Variants in NUDT3 observed in about 807,000 individuals in gnomAD.
NUDT3 encodes the protein nudix hydrolase 3, also known as diphosphoinositol polyphosphate phosphohydrolase 1.
In NUDT3, 9 loss-of-function variants were observed where a neutral mutation model predicts 23.6. That is an observed-to-expected ratio of 0.38 (90% CI 0.23 to 0.66). NUDT3 has a LOEUF of 0.66. Ranked by LOEUF, NUDT3 falls within the 30% of genes least tolerant of loss-of-function variation. The probability of loss-of-function intolerance (pLI) is 0.52; values close to 1 mark genes in which losing one functional copy is unlikely to be tolerated. For missense variants in NUDT3, 172 were observed against 218.5 expected (o/e 0.79, Z 1.34); for synonymous variants, 86 against 82.6 (o/e 1.04, Z -0.22).
In NUDT3 at chr6:34,288,387, T is replaced by A. The variant is rs2113689122; in HGVS notation, c.*366A>T. On this transcript the variant is annotated 3_prime_UTR_variant, in exon 5 of 5. Transcript: ENST00000607016. ...GTATCTTTTAATAAAAAAAAAAAAT[T>A]AAAAATCAAAGAAAACGTCTGGCCA... 1 of 174,712 alleles carries A rather than the reference T, an allele frequency of 5.7e-6. No homozygotes were observed. The highest frequency in any genetic ancestry group is 1.2e-5 in the Non-Finnish European group (1 of 83,692). 10.8% of individuals were successfully genotyped at this position (174,712 alleles called of 1,614,324 possible).
At position 34,356,437 on chromosome 6, in the gene NUDT3, A is replaced by G. The variant is rs555389227; in HGVS notation, c.100-14465T>C. Among the ~76,000 whole-genome samples, 4 of 152,286 alleles carry G rather than the reference A, an allele frequency of 2.6e-5. No homozygotes were observed. In the South Asian group the frequency reaches 6.2e-4, roughly 24 times the overall value. ...ATGACCAACAGGAAATATACAATAT[A>G]AGTCTAAAACATCTTGTCAAATCAG... On this transcript the variant is annotated intron_variant, in intron 1 of 4. Transcript: ENST00000607016.
At chr6:34,313,812 A>G (rs1308605518) in intron 2 of NUDT3, among the ~76,000 whole-genome samples, 1 of 151,726 alleles carries the variant, frequency 6.6e-6, no homozygotes, top group Admixed American at 6.6e-5. Context: ...AATACAAAAA[A>G]TTAGGCCAAG....
intron 2 of NUDT3, among the ~76,000 whole-genome samples, chr6:34,295,886 A>G (rs1763492144): frequency 1.3e-5 from 2 of 152,160 alleles, no homozygotes; most frequent in South Asian, 4.1e-4. Context: ...TGCTCTGGGA[A>G]GTTAGAATGC....
At chr6:34,293,339 G>T in intron 4 of NUDT3, 112 bp downstream of exon 4, 1 of 1,258,570 alleles carries the variant, frequency 7.9e-7, no homozygotes, top group South Asian at 1.3e-5. Context: ...TGGGGTTATA[G>T]GTGTGAGCCA....
In NUDT3 at chr6:34,364,902, TC is replaced by T. The variant is rs555291852; in HGVS notation, c.100-22931del. Among the ~76,000 whole-genome samples the T allele has an allele frequency of 3.4e-3, 513 of 152,060 alleles. 3 individuals carry two copies. Among genetic ancestry groups the T allele is most frequent in the African/African-American group, 7.6e-3 (316 of 41,476 alleles). ...CGGGCGCGGTGGCGGGTGCCTGTAG[TC>T]CGAGCTACTCAGGAGGCTGAGGCAG... On this transcript the variant is annotated intron_variant, in intron 1 of 4. Coordinates refer to ENST00000607016, the MANE Select transcript of NUDT3 (RefSeq NM_006703.4).
chr6:34,303,407 A>G (rs1401455653), intron 2 of NUDT3, among the ~76,000 whole-genome samples: 7 of 151,884 alleles, frequency 4.6e-5, no homozygotes, highest in African/African-American at 1.7e-4. Flanking sequence ...TCTTCTGTAA[A>G]TAAGGACAAT....
intron 1 of NUDT3, among the ~76,000 whole-genome samples, chr6:34,363,677 C>CATTT (rs1764682539): frequency 6.6e-6 from 1 of 152,180 alleles, no homozygotes; most frequent in African/African-American, 2.4e-5. Context: ...CATTAAGGAG[C>CATTT]CAGCCTTCTG....
chr6:34,392,629 A>G lies in NUDT3; in HGVS notation c.-267T>C. The G allele has an allele frequency of 8.1e-6, 2 of 246,922 alleles. No homozygotes were observed. The highest frequency in any genetic ancestry group is 1.5e-5 in the Non-Finnish European group (2 of 129,628). The allele number at this position is 246,922 out of a possible 1,614,324, so 15.3% of individuals were successfully genotyped here. ...CCCTCTGCCGCCGCCACCCCCGACG[A>G]CGACCGCGCCGCCATCTTGGGCGCG... On this transcript the variant is annotated 5_prime_UTR_variant, in exon 1 of 5. Coordinates refer to ENST00000607016, the MANE Select transcript of NUDT3 (RefSeq NM_006703.4).
At chr6:34,299,914 AT>A (rs1305748264) in intron 2 of NUDT3, among the ~76,000 whole-genome samples, 1 of 131,506 alleles carries the variant, frequency 7.6e-6, no homozygotes, top group African/African-American at 2.8e-5. Context: ...AAAAAAAAAA[AT>A]ATTTTTTTTA....
At chr6:34,362,064 G>A (rs1376480120) in intron 1 of NUDT3, among the ~76,000 whole-genome samples, 1 of 152,202 alleles carries the variant, frequency 6.6e-6, no homozygotes, top group Non-Finnish European at 1.5e-5. Flanking sequence ...GATGCTGATA[G>A]TGAGGGAGAT....
chr6:34,389,925 C>T (rs1304852124), intron 1 of NUDT3, among the ~76,000 whole-genome samples: 1 of 150,762 alleles, frequency 6.6e-6, no homozygotes, highest in East Asian at 2.0e-4. Context: ...GATGGTGCCA[C>T]TGCACTCCAC....
intron 1 of NUDT3, among the ~76,000 whole-genome samples, chr6:34,391,424 T>C (rs557930642): frequency 4.6e-5 from 7 of 152,300 alleles, no homozygotes; most frequent in African/African-American, 7.2e-5. Flanking sequence ...ATTCCCTTCA[T>C]CACCACAGAA....
In NUDT3 at chr6:34,342,289, C is replaced by CAAA. The variant is rs200954440; in HGVS notation, c.100-320_100-318dup. Among the ~76,000 whole-genome samples, 393 of 66,086 alleles carry CAAA rather than the reference C, an allele frequency of 5.9e-3. 4 individuals are homozygous for CAAA. The highest frequency in any genetic ancestry group is 9.4e-3 in the Non-Finnish European group (237 of 25,218). 43.4% of individuals were successfully genotyped at this position (66,086 alleles called of 152,430 possible). A position where few individuals can be genotyped will look rare whatever the true frequency, so the allele number is the denominator to read the frequency against. The stretch of plus-strand genomic sequence containing the variant: ...ACCTGACAAGGTGAATAGAAGACTT[C>CAAA]AAAAAAAAAAAAAAAAAAAAAAAAA... On this transcript the variant is annotated intron_variant, in intron 1 of 4. Transcript: ENST00000607016.
chr6:34,388,251 T>C (rs1021562246), intron 1 of NUDT3, among the ~76,000 whole-genome samples: 1 of 152,218 alleles, frequency 6.6e-6, no homozygotes, highest in Non-Finnish European at 1.5e-5. Flanking sequence ...GATGCATTTC[T>C]CAGTACGTAT....
intron 1 of NUDT3, among the ~76,000 whole-genome samples, chr6:34,342,289 CAAAAAAAAAAAAA>C (rs200954440): frequency 3.9e-4 from 26 of 66,494 alleles, no homozygotes; most frequent in Non-Finnish European, 6.7e-4. Flanking sequence ...TAGAAGACTT[CAAAAAAAAAAAAA>C]AAAAAAAAAA....
At chr6:34,321,651 C>G (rs1330262746) in intron 2 of NUDT3, among the ~76,000 whole-genome samples, 2 of 151,926 alleles carry the variant, frequency 1.3e-5, no homozygotes. Flanking sequence ...GAAGATCGAC[C>G]ACCACTATCT....
At chr6:34,385,443 T>C (rs1765090121) in intron 1 of NUDT3, among the ~76,000 whole-genome samples, 2 of 152,302 alleles carry the variant, frequency 1.3e-5, no homozygotes, top group East Asian at 3.9e-4. Context: ...AAACATGTAG[T>C]TATTTGGTAA....
chr6:34,373,320 A>C (rs566552255), intron 1 of NUDT3, among the ~76,000 whole-genome samples: 1 of 96,698 alleles, frequency 1.0e-5, no homozygotes, highest in South Asian at 3.5e-4. Context: ...AATTAGGATA[A>C]ATTGCATATT....
chr6:34,355,850 T>TGAACA (rs1426232065), intron 1 of NUDT3, among the ~76,000 whole-genome samples: 1 of 152,174 alleles, frequency 6.6e-6, no homozygotes, highest in African/African-American at 2.4e-5. Flanking sequence ...TCCAGATAGC[T>TGAACA]GAACATGTGA....
Sources: allele counts gnomAD v4.1 joint callset (sites outside exome capture counted in the v4.1 genomes callset), GRCh38; gene constraint gnomAD v4.1.1; transcripts MANE v1.5; gene names NCBI Gene and HGNC (gene_info 2026-07-23, HGNC 2026-07-21).